Variants in MECOM observed in about 807,000 individuals in gnomAD.
MECOM encodes MDS1 and EVI1 complex locus.
Under a neutral mutation model 116.3 loss-of-function variants are expected in MECOM, and 13 were observed. The observed-to-expected ratio is 0.11, with a 90% CI of 0.07 to 0.18. MECOM has a LOEUF of 0.18. MECOM is among the 10% of genes least tolerant of loss of function. The pLI, the probability that MECOM is intolerant of heterozygous loss-of-function variation, is 1.00. For missense variants in MECOM, 1,299 were observed against 1,509.0 expected, an observed-to-expected ratio of 0.86 and a Z score of 2.31; for synonymous variants, 528 against 535.2, an observed-to-expected ratio of 0.99 and a Z score of 0.19.
chr3:169,196,921 A>C (rs561761072), intron 2 of MECOM, among the ~76,000 whole-genome samples: 1 of 152,196 alleles, frequency 6.6e-6, no homozygotes, highest in East Asian at 1.9e-4. Context: ...CTAAATGCTC[A>C]TCAACAGTGG....
At chr3:169,430,640 T>G (rs1741464245) in intron 1 of MECOM, among the ~76,000 whole-genome samples, 1 of 152,206 alleles carries the variant, frequency 6.6e-6, no homozygotes. Flanking sequence ...CAAGTCTATT[T>G]TCCCTACCTG....
chr3:169,474,378 G>A (rs893740569), intron 1 of MECOM, among the ~76,000 whole-genome samples: 41 of 151,978 alleles, frequency 2.7e-4, no homozygotes, highest in African/African-American at 9.7e-4. Context: ...TCAATATACG[G>A]TTTATTAATA....
chr3:169,658,845 G>A (rs1477362080), intron 1 of MECOM, among the ~76,000 whole-genome samples: 1 of 152,102 alleles, frequency 6.6e-6, no homozygotes, highest in African/African-American at 2.4e-5. Context: ...GCTTCCAGCG[G>A]AGGCAACGCG....
At chr3:169,226,887 C>A (rs976600982) in intron 2 of MECOM, among the ~76,000 whole-genome samples, 8 of 152,108 alleles carry the variant, frequency 5.3e-5, no homozygotes, top group African/African-American at 1.9e-4. Flanking sequence ...GTATACAGGG[C>A]AATGGCAGGA....
chr3:169,420,308 C>T (rs749716035), intron 1 of MECOM, among the ~76,000 whole-genome samples: 2 of 152,104 alleles, frequency 1.3e-5, no homozygotes, highest in African/African-American at 4.8e-5. Context: ...GAGCTCTGAC[C>T]TGCAAAGCAT....
intron 1 of MECOM, among the ~76,000 whole-genome samples, chr3:169,443,439 A>G (rs1453231719): frequency 2.0e-5 from 3 of 152,236 alleles, no homozygotes; most frequent in Non-Finnish European, 2.9e-5. Flanking sequence ...ATAGGTTTGC[A>G]TTAAATACCC....
chr3:169,657,562 G>A (rs1775687433), intron 1 of MECOM, among the ~76,000 whole-genome samples: 1 of 152,188 alleles, frequency 6.6e-6, no homozygotes. Flanking sequence ...GTACAGAATT[G>A]GCAAGAAGCC....
At chr3:169,097,390 A>T (rs1479913040) in intron 12 of MECOM, among the ~76,000 whole-genome samples, 1 of 152,146 alleles carries the variant, frequency 6.6e-6, no homozygotes, top group Non-Finnish European at 1.5e-5. Flanking sequence ...CACAATTCCA[A>T]TAAGAGCCTA....
At chr3:169,113,578 A>G (rs778523632) in intron 8 of MECOM, among the ~76,000 whole-genome samples, 2 of 151,932 alleles carry the variant, frequency 1.3e-5, no homozygotes, top group Non-Finnish European at 2.9e-5. Context: ...AGACACATAA[A>G]ACTTACCTAT....
At chr3:169,586,435 T>G (rs1765785300) in intron 1 of MECOM, among the ~76,000 whole-genome samples, 1 of 152,212 alleles carries the variant, frequency 6.6e-6, no homozygotes, top group South Asian at 2.1e-4. Flanking sequence ...CAATACTATT[T>G]TGCATGGCTA....
chr3:169,420,846 A>G (rs1739605582), intron 1 of MECOM, among the ~76,000 whole-genome samples: 1 of 152,180 alleles, frequency 6.6e-6, no homozygotes, highest in South Asian at 2.1e-4. Flanking sequence ...ATGCACTTTG[A>G]AATAAAATAG....
At chr3:169,407,956 A>G (rs1736957460) in intron 1 of MECOM, among the ~76,000 whole-genome samples, 1 of 152,198 alleles carries the variant, frequency 6.6e-6, no homozygotes, top group South Asian at 2.1e-4. Flanking sequence ...GAAATTGATC[A>G]TGTTTGGGAA....
chr3:169,290,515 C>T (rs1290980378), intron 2 of MECOM, among the ~76,000 whole-genome samples: 1 of 151,982 alleles, frequency 6.6e-6, no homozygotes, highest in Admixed American at 6.6e-5. Context: ...AATAATAGCT[C>T]CAGACCTACA....
chr3:169,634,684 G>A (rs1244491622), intron 1 of MECOM, among the ~76,000 whole-genome samples: 4 of 152,050 alleles, frequency 2.6e-5, no homozygotes, highest in Non-Finnish European at 5.9e-5. Context: ...ATGTCTGCTT[G>A]GGGCCTTGCA....
chr3:169,646,667 G>T (rs1478728488), intron 1 of MECOM, among the ~76,000 whole-genome samples: 2 of 152,024 alleles, frequency 1.3e-5, no homozygotes, highest in African/African-American at 4.8e-5. Context: ...AAATTAGAAA[G>T]TTGTAGCTAG....
intron 1 of MECOM, among the ~76,000 whole-genome samples, chr3:169,524,999 AG>A (rs1757802052): frequency 1.3e-5 from 2 of 152,136 alleles, no homozygotes; most frequent in Non-Finnish European, 2.9e-5. Context: ...ACATATTGTG[AG>A]ATTAATCTGT....
chr3:169,116,784 G>T, intron 7 of MECOM, 45 bp from the exon 8 acceptor site: 1 of 1,525,168 alleles, frequency 6.6e-7, no homozygotes. Flanking sequence ...TATGTCAATT[G>T]CTTCTGAATT....
intron 1 of MECOM, among the ~76,000 whole-genome samples, chr3:169,604,072 T>C (rs1437769322): frequency 1.3e-5 from 2 of 152,034 alleles, no homozygotes; most frequent in Admixed American, 1.3e-4. Context: ...AAAATTTCCC[T>C]TAGAGAAAGA....
At chr3:169,416,928 C>T (rs1222034244) in intron 1 of MECOM, among the ~76,000 whole-genome samples, 2 of 152,136 alleles carry the variant, frequency 1.3e-5, no homozygotes, top group African/African-American at 4.8e-5. Flanking sequence ...AACTGGATGC[C>T]TTCCTTACAC....
Sources: allele counts gnomAD v4.1 joint callset (sites outside exome capture counted in the v4.1 genomes callset), GRCh38; gene constraint gnomAD v4.1.1; transcripts MANE v1.5; gene names NCBI Gene and HGNC (gene_info 2026-07-23, HGNC 2026-07-21).